Variants in IGF1R observed in about 807,000 individuals in gnomAD.
IGF1R encodes insulin like growth factor 1 receptor, also known as insulin-like growth factor 1 receptor.
Under a neutral mutation model 144.6 loss-of-function variants are expected in IGF1R, and 44 were observed. The ratio of observed to expected loss-of-function variants is 0.30; its 90% CI spans 0.24 to 0.39. The LOEUF (loss-of-function observed/expected upper bound fraction) is 0.39. IGF1R is among the 10% of genes least tolerant of loss of function. The probability of loss-of-function intolerance (pLI) is 1.00; values close to 1 mark genes in which losing one functional copy is unlikely to be tolerated. For synonymous variants in IGF1R, 795 were observed against 722.8 expected, an observed-to-expected ratio of 1.10 and a Z score of -1.60; for missense variants, 1,355 against 1,833.7, an observed-to-expected ratio of 0.74 and a Z score of 4.77.
At chr15:98,818,259 G>GT (rs1443635391) in intron 2 of IGF1R, among the ~76,000 whole-genome samples, 1 of 152,182 alleles carries the variant, frequency 6.6e-6, no homozygotes, top group Non-Finnish European at 1.5e-5. Context: ...ATAGCGTCGA[G>GT]TTATAAGATG....
At chr15:98,802,652 G>A (rs1476365971) in intron 2 of IGF1R, among the ~76,000 whole-genome samples, 1 of 152,246 alleles carries the variant, frequency 6.6e-6, no homozygotes, top group African/African-American at 2.4e-5. Context: ...AATTTCTGTG[G>A]ACGTGCAAAC....
chr15:98,954,865 A>G lies in IGF1R; in HGVS notation c.3723-2196A>G, dbSNP rs150248969. Among the ~76,000 whole-genome samples, 99 of 152,304 alleles carry G rather than the reference A, an allele frequency of 6.5e-4. No homozygotes were observed. In the East Asian group the frequency reaches 0.015, roughly 23 times the overall value. Reference sequence around the variant, plus strand: ...GTCATCAAGCTGCCAGCTTTTATCAATGCAAACCACATCCCTGTGACATCT... The same window carrying G: ...GTCATCAAGCTGCCAGCTTTTATCAGTGCAAACCACATCCCTGTGACATCT... On this transcript the variant is annotated intron_variant, in intron 20 of 20. Transcript: ENST00000650285.
intron 8 of IGF1R, among the ~76,000 whole-genome samples, 169 bp downstream of exon 8, chr15:98,913,451 C>A (rs908600761): frequency 6.6e-6 from 1 of 152,212 alleles, no homozygotes; most frequent in African/African-American, 2.4e-5. Flanking sequence ...ACATTAGGCT[C>A]TTCTGTGCCA....
chr15:98,809,512 G>A (rs369359652), intron 2 of IGF1R, among the ~76,000 whole-genome samples: 5 of 152,306 alleles, frequency 3.3e-5, no homozygotes, highest in African/African-American at 1.2e-4. Flanking sequence ...GGCAAGAAAC[G>A]TGAACCACCG....
At chr15:98,861,260 G>T (rs1054366445) in intron 2 of IGF1R, among the ~76,000 whole-genome samples, 1 of 152,148 alleles carries the variant, frequency 6.6e-6, no homozygotes, top group Non-Finnish European at 1.5e-5. Flanking sequence ...TATTTTAGAA[G>T]GGCCTCCTTA....
intron 13 of IGF1R, among the ~76,000 whole-genome samples, chr15:98,926,721 G>A (rs1345846133): frequency 1.3e-5 from 2 of 152,304 alleles, no homozygotes. Context: ...CAAATCTTGA[G>A]CCAACATTTT....
intron 2 of IGF1R, among the ~76,000 whole-genome samples, chr15:98,867,040 G>A (rs1482853662): frequency 6.6e-6 from 1 of 152,046 alleles, no homozygotes. Context: ...TTTGTGACTG[G>A]AAGACAAGGA....
chr15:98,948,829 G>C lies in IGF1R; in HGVS notation c.3722+121G>C, dbSNP rs936586602. ...CTCTGGTCCTGCGCCTCCCTTGCCA[G>C]GCGTGGCTAAGAGGTTTGTCCTTGT... On this transcript the variant is annotated intron_variant, in intron 20 of 20. Transcript: ENST00000650285. 7 of 1,202,670 alleles carry C rather than the reference G, an allele frequency of 5.8e-6. No individual in the cohort carries two copies. The East Asian group carries it at 1.4e-4, about 24-fold the overall frequency. The allele number at this position is 1,202,670 out of a possible 1,614,324, so 74.5% of individuals were successfully genotyped here. A position where few individuals can be genotyped will look rare whatever the true frequency, so the allele number is the denominator to read the frequency against.
rs187132740 is a variant in IGF1R at position 98,665,909 on chromosome 15, A to G, written c.94+16234A>G. On this transcript the variant is annotated intron_variant, in intron 1 of 20. Transcript: ENST00000650285. ...TAGTCCTGTTTAGGCAACTTGGTAG[A>G]TGGACTTGAATGGTCTTGCTAAGCG... is the stretch of plus-strand genomic sequence containing the variant. Among the ~76,000 whole-genome samples, 4 of 72,092 alleles carry G rather than the reference A, an allele frequency of 5.5e-5. No homozygotes were observed. In the Admixed American group the frequency reaches 6.9e-4, roughly 12 times the overall value. 47.3% of individuals were successfully genotyped at this position (72,092 alleles called of 152,430 possible).
intron 3 of IGF1R, among the ~76,000 whole-genome samples, chr15:98,893,212 G>C (rs904029664): frequency 1.3e-5 from 2 of 152,150 alleles, no homozygotes; most frequent in East Asian, 3.8e-4. Flanking sequence ...TTATAAAGGG[G>C]ATTCTTTTTC....
chr15:98,869,797 T>TC (rs1192074731), intron 2 of IGF1R, among the ~76,000 whole-genome samples: 4 of 152,252 alleles, frequency 2.6e-5, no homozygotes, highest in East Asian at 1.9e-4. Context: ...CACACCTGCC[T>TC]CCCCCCATTT....
intron 2 of IGF1R, among the ~76,000 whole-genome samples, chr15:98,867,535 C>CTG (rs1238981046): frequency 2.6e-5 from 4 of 152,130 alleles, no homozygotes; most frequent in Non-Finnish European, 5.9e-5. Context: ...GGCCTCTTGG[C>CTG]TGGAAGTGTT....
chr15:98,921,719 G>A (rs527640862), intron 10 of IGF1R, among the ~76,000 whole-genome samples: 1 of 152,140 alleles, frequency 6.6e-6, no homozygotes, highest in African/African-American at 2.4e-5. Context: ...AGGTCTCTGG[G>A]GCCTCTGCCA....
rs554597216 is a variant in IGF1R, at chr15:98,962,219, C to T, written c.*4777C>T. 4.3e-6 allele frequency: 1 copy of T among 233,352 alleles called. No individual in the cohort carries two copies. Among genetic ancestry groups the T allele is most frequent in the East Asian group, 6.0e-5 (1 of 16,586 alleles). 14.5% of individuals were successfully genotyped at this position (233,352 alleles called of 1,614,324 possible). ...GTGGCCAGACGGTGTTGGCCACTCC[C>T]TTCTAAAACACAGGCGCCCTCCTGG... On this transcript the variant is annotated 3_prime_UTR_variant, in exon 21 of 21. Coordinates refer to ENST00000650285, the MANE Select transcript of IGF1R (RefSeq NM_000875.5).
intron 2 of IGF1R, among the ~76,000 whole-genome samples, chr15:98,798,361 G>A (rs573623200): frequency 6.6e-6 from 1 of 152,298 alleles, no homozygotes; most frequent in South Asian, 2.1e-4. Context: ...GGGGGATGGG[G>A]TAAACTGAGT....
intron 1 of IGF1R, among the ~76,000 whole-genome samples, chr15:98,669,630 G>A (rs2052836261): frequency 6.6e-6 from 1 of 152,232 alleles, no homozygotes; most frequent in Admixed American, 6.5e-5. Flanking sequence ...GGCTTGAGCA[G>A]TGGGTGAGAA....
intron 2 of IGF1R, among the ~76,000 whole-genome samples, chr15:98,803,200 A>G (rs1018833876): frequency 6.6e-6 from 1 of 152,198 alleles, no homozygotes; most frequent in Non-Finnish European, 1.5e-5. Flanking sequence ...CTACACACCT[A>G]GGGTCCATGG....
At chr15:98,842,663 C>T (rs2141534649) in intron 2 of IGF1R, among the ~76,000 whole-genome samples, 1 of 152,292 alleles carries the variant, frequency 6.6e-6, no homozygotes, top group Non-Finnish European at 1.5e-5. Context: ...GAAACACTGT[C>T]TTTTGGCAAA....
intron 1 of IGF1R, among the ~76,000 whole-genome samples, chr15:98,665,471 C>T (rs1052486262): frequency 2.0e-5 from 3 of 152,080 alleles, no homozygotes; most frequent in Non-Finnish European, 2.9e-5. Flanking sequence ...GATGTCCCTT[C>T]GCCCTTCAGT....
Sources: allele counts gnomAD v4.1 joint callset (sites outside exome capture counted in the v4.1 genomes callset), GRCh38; gene constraint gnomAD v4.1.1; transcripts MANE v1.5; gene names NCBI Gene and HGNC (gene_info 2026-07-23, HGNC 2026-07-21).